S100A8: variants seen among roughly 807,000 people sequenced by gnomAD.
S100A8 encodes the protein S100 calcium binding protein A8.
Under a neutral mutation model 4.2 loss-of-function variants are expected in S100A8, and 1 was observed. The ratio of observed to expected loss-of-function variants is 0.24; its 90% confidence interval spans 0.08 to 1.12. The LOEUF is 1.12. S100A8 is among the 50% of genes most tolerant of loss of function. The probability of loss-of-function intolerance (pLI) is 0.53; values close to 1 mark genes in which losing one functional copy is unlikely to be tolerated. For missense variants in S100A8, 96 were observed against 111.8 expected (o/e 0.86, Z 0.64); for synonymous variants, 41 against 44.7 (o/e 0.92, Z 0.33).
chr1:153,390,416 G>C lies in S100A8; in HGVS notation c.120C>G (p.Thr40=), dbSNP rs751883285. ...YRDDLKKLLE[T]ECPQYIRKKG... is the part of the protein sequence containing the mutation. ...TCACCCTGATATACTGAGGACACTCGGTCTCTAGCAATTTCTTCAGGTCAT... is the reference window on the plus strand; with the variant it reads ...TCACCCTGATATACTGAGGACACTCCGTCTCTAGCAATTTCTTCAGGTCAT... The change falls in exon 2 of 3, where the codon ACC becomes ACG. Residue 40 remains threonine, a synonymous_variant. Transcript: ENST00000368733. 2 of 1,614,088 alleles carry C rather than the reference G, an allele frequency of 1.2e-6. No homozygotes were observed. The highest frequency in any genetic ancestry group is 1.7e-6 in the Non-Finnish European group (2 of 1,180,012).
chr1:153,390,788 C>G, intron 1 of S100A8: 1 of 569,542 alleles, frequency 1.8e-6, no homozygotes, highest in Non-Finnish European at 2.9e-6. Context: ...ACACGGGGCC[C>G]GTAGACTTTC....
the S100A8 span, among the ~76,000 whole-genome samples, chr1:153,416,742 C>T: frequency 6.6e-6 from 1 of 152,246 alleles, no homozygotes; most frequent in Admixed American, 6.5e-5. Flanking sequence ...TCTGTACAAC[C>T]AGGTGGCTGA....
the S100A8 span, among the ~76,000 whole-genome samples, chr1:153,406,241 T>C: frequency 1.3e-5 from 2 of 152,204 alleles, no homozygotes; most frequent in Non-Finnish European, 2.9e-5. Context: ...TGGAGTTCTC[T>C]GCACTGGAGG....
At chr1:153,393,657 C>A (rs912114628), upstream of S100A8, among the ~76,000 whole-genome samples, 2 of 152,168 alleles carry the variant, frequency 1.3e-5, no homozygotes, top group Non-Finnish European at 2.9e-5. Flanking sequence ...AAGTTTTCAA[C>A]CAAGGATCCA....
the S100A8 span, among the ~76,000 whole-genome samples, chr1:153,405,844 C>G: frequency 6.6e-6 from 1 of 152,098 alleles, no homozygotes; most frequent in African/African-American, 2.4e-5. Context: ...TGGGCTGCAG[C>G]TGGGTGTTCT....
the S100A8 span, among the ~76,000 whole-genome samples, chr1:153,410,349 C>T: frequency 1.3e-5 from 2 of 152,230 alleles, no homozygotes; most frequent in African/African-American, 4.8e-5. Context: ...ATACTGTAAA[C>T]ACTTCTATGC....
chr1:153,412,614 C>A, the S100A8 span, among the ~76,000 whole-genome samples: 1 of 152,142 alleles, frequency 6.6e-6, no homozygotes, highest in African/African-American at 2.4e-5. Flanking sequence ...CATTATATGA[C>A]CCAGCCATCA....
At chr1:153,397,112 T>G in the S100A8 span, among the ~76,000 whole-genome samples, 1 of 152,188 alleles carries the variant, frequency 6.6e-6, no homozygotes, top group Non-Finnish European at 1.5e-5. Context: ...TGTTTATACT[T>G]CTCTTCACAG....
rs1326828455 is a variant in S100A8 at position 153,390,492 on chromosome 1, A to G, written c.44T>C (p.Val15Ala). 1 of 1,614,064 alleles carries G rather than the reference A, an allele frequency of 6.2e-7. No individual in the cohort carries two copies. Among genetic ancestry groups the G allele is most frequent in the Non-Finnish European group, 8.5e-7 (1 of 1,180,042 alleles). Residue 15 changes from valine to alanine, a missense_variant, in exon 2 of 3, where the codon GTC becomes GCC. Transcript: ENST00000368733. ...LEKALNSIIDVYHKYSLIKGN... is the reference protein window; with the variant it reads ...LEKALNSIIDAYHKYSLIKGN... Reference sequence around the variant, plus strand: ...CTTTATCAGGGAGTACTTGTGGTAGACGTCGATGATAGAGTTCAAGGCTTT... The same window carrying G: ...CTTTATCAGGGAGTACTTGTGGTAGGCGTCGATGATAGAGTTCAAGGCTTT...
chr1:153,410,178 A>G, the S100A8 span, among the ~76,000 whole-genome samples: 66 of 152,316 alleles, frequency 4.3e-4, no homozygotes, highest in Middle Eastern at 0.017. Context: ...TCAAAAAATC[A>G]ATGAATCCAG....
chr1:153,418,428 A>G, the S100A8 span, among the ~76,000 whole-genome samples: 1 of 152,156 alleles, frequency 6.6e-6, no homozygotes, highest in African/African-American at 2.4e-5. Flanking sequence ...ATACAGATAT[A>G]AAGGAGGTTA....
the S100A8 span, chr1:153,416,524 A>G: frequency 1.3e-4 from 64 of 485,876 alleles, no homozygotes; most frequent in African/African-American, 1.2e-3. Flanking sequence ...AAACACACAC[A>G]TCTCACTCAT....
At chr1:153,415,720 G>T in the S100A8 span, among the ~76,000 whole-genome samples, 12 of 113,708 alleles carry the variant, frequency 1.1e-4, no homozygotes, top group East Asian at 1.2e-3. Context: ...GGGCGGGGGG[G>T]GCGGGGGTCA....
the S100A8 span, chr1:153,421,592 G>C: frequency 6.6e-6 from 1 of 152,000 alleles, no homozygotes; most frequent in Non-Finnish European, 1.5e-5. Context: ...GCAGCTTAGG[G>C]GAGGACCCCA....
At chr1:153,409,606 C>G in the S100A8 span, among the ~76,000 whole-genome samples, 1 of 152,184 alleles carries the variant, frequency 6.6e-6, no homozygotes, top group East Asian at 1.9e-4. Flanking sequence ...AGCTCTGCAC[C>G]AAGCAGACCT....
At chr1:153,414,012 G>T in the S100A8 span, among the ~76,000 whole-genome samples, 1 of 152,254 alleles carries the variant, frequency 6.6e-6, no homozygotes, top group East Asian at 1.9e-4. Context: ...CCTTTTCTTA[G>T]AATTCTTTGT....
the S100A8 span, among the ~76,000 whole-genome samples, chr1:153,404,410 G>A: frequency 6.6e-6 from 1 of 152,082 alleles, no homozygotes; most frequent in African/African-American, 2.4e-5. Flanking sequence ...CTATCTAGGG[G>A]TCCACCAAGA....
the S100A8 span, chr1:153,419,837 G>A: frequency 6.5e-6 from 1 of 154,668 alleles, no homozygotes; most frequent in African/African-American, 2.4e-5. Flanking sequence ...GGCTATGAAT[G>A]GGAGGCTCAG....
At chr1:153,391,263 G>A (rs1448751941), upstream of S100A8, 1 of 941,870 alleles carries the variant, frequency 1.1e-6, no homozygotes, top group Non-Finnish European at 1.3e-6. Flanking sequence ...GAAAGAGGAA[G>A]GCATTTGCTG....
Sources: gnomAD v4.1 joint callset for allele counts (sites outside exome capture counted in the v4.1 genomes callset) on GRCh38, gnomAD v4.1.1 for gene constraint, MANE v1.5 for transcripts, NCBI Gene and HGNC (gene_info 2026-07-23, HGNC 2026-07-21) for gene names.